Variants in PDE1A observed in about 807,000 individuals in gnomAD.
PDE1A encodes dual specificity calcium/calmodulin-dependent 3',5'-cyclic nucleotide phosphodiesterase 1A.
PDE1A carries 35 observed loss-of-function variants against 61.7 expected under a neutral mutation model. That is an observed-to-expected ratio of 0.57 (90% CI 0.43 to 0.75). The LOEUF (loss-of-function observed/expected upper bound fraction) is 0.75, where lower values mean the gene tolerates loss of function less well. Among genes scored for constraint, PDE1A ranks in the 30% least tolerant of loss-of-function variants. The pLI, the probability that PDE1A is intolerant of heterozygous loss-of-function variation, is 0.00. For synonymous variants in PDE1A, 232 were observed against 213.2 expected (o/e 1.09, Z -0.77); for missense variants, 597 against 630.6 (o/e 0.95, Z 0.57).
At chr2:182,207,274 A>C (rs1343487382) in intron 7 of PDE1A, among the ~76,000 whole-genome samples, 3 of 152,164 alleles carry the variant, frequency 2.0e-5, no homozygotes, top group Admixed American at 2.0e-4. Flanking sequence ...AGAGATAAGG[A>C]GGTCTTAGGT....
the PDE1A span, among the ~76,000 whole-genome samples, chr2:182,591,780 G>A: frequency 1.3e-5 from 2 of 152,142 alleles, no homozygotes; most frequent in African/African-American, 4.8e-5. Context: ...CAAGCCACCT[G>A]GTTCACTGGA....
chr2:182,638,261 G>C, the PDE1A span, among the ~76,000 whole-genome samples: 1 of 152,118 alleles, frequency 6.6e-6, no homozygotes, highest in Non-Finnish European at 1.5e-5. Flanking sequence ...GCATACAGTC[G>C]GGTGCAGTGG....
At chr2:182,561,433 G>A in the PDE1A span, among the ~76,000 whole-genome samples, 7 of 152,148 alleles carry the variant, frequency 4.6e-5, no homozygotes, top group African/African-American at 1.7e-4. Flanking sequence ...TTTGGTACCA[G>A]TACCATGCTG....
chr2:182,309,084 T>C (rs1211894014), intron 1 of PDE1A, among the ~76,000 whole-genome samples: 1 of 151,908 alleles, frequency 6.6e-6, no homozygotes, highest in Non-Finnish European at 1.5e-5. Context: ...GTTTGCAAAT[T>C]AACCTAAGAA....
upstream of PDE1A, among the ~76,000 whole-genome samples, chr2:182,525,274 T>C (rs186301852): frequency 1.4e-3 from 209 of 152,330 alleles, no homozygotes; most frequent in Non-Finnish European, 2.3e-3. Flanking sequence ...AATTATTCAA[T>C]AGATTTTAGT....
At chr2:182,423,341 A>C (rs1703399678) in intron 1 of PDE1A, among the ~76,000 whole-genome samples, 1 of 152,154 alleles carries the variant, frequency 6.6e-6, no homozygotes, top group African/African-American at 2.4e-5. Flanking sequence ...ATGATTTGGA[A>C]TCTTTACTGT....
the PDE1A span, among the ~76,000 whole-genome samples, chr2:182,586,024 T>C: frequency 6.6e-6 from 1 of 152,292 alleles, no homozygotes; most frequent in East Asian, 1.9e-4. Context: ...GAATAATGTA[T>C]ACCTATTTCT....
At chr2:182,386,036 G>A (rs138149229) in intron 1 of PDE1A, among the ~76,000 whole-genome samples, 3,053 of 152,310 alleles carry the variant, frequency 0.02, 51 homozygotes, top group South Asian at 0.033. Flanking sequence ...TGTTTTTTTG[G>A]TGGAGACGGG....
intron 2 of PDE1A, among the ~76,000 whole-genome samples, chr2:182,254,346 C>A (rs1452889608): frequency 2.0e-5 from 3 of 152,176 alleles, no homozygotes; most frequent in Non-Finnish European, 4.4e-5. Flanking sequence ...ACAACTCACA[C>A]CACAAAAATG....
chr2:182,675,206 C>T, the PDE1A span, among the ~76,000 whole-genome samples: 1 of 152,014 alleles, frequency 6.6e-6, no homozygotes. Context: ...GAACATGAAG[C>T]ATTTGGTTTT....
At chr2:182,345,824 T>C (rs953112639) in intron 1 of PDE1A, among the ~76,000 whole-genome samples, 1 of 152,192 alleles carries the variant, frequency 6.6e-6, no homozygotes, top group Non-Finnish European at 1.5e-5. Context: ...CACTCTCATG[T>C]CCCCTCCCCG....
At chr2:182,332,535 T>C (rs1559346117) in intron 1 of PDE1A, among the ~76,000 whole-genome samples, 2 of 152,178 alleles carry the variant, frequency 1.3e-5, no homozygotes, top group Non-Finnish European at 2.9e-5. Flanking sequence ...GCATGGGGTT[T>C]CTGGGGTTTT....
chr2:182,302,938 T>C (rs1695341886), intron 1 of PDE1A, among the ~76,000 whole-genome samples: 1 of 152,218 alleles, frequency 6.6e-6, no homozygotes, highest in Non-Finnish European at 1.5e-5. Context: ...CAACTCTTCA[T>C]CCACTTAAGT....
chr2:182,432,111 T>C (rs1703980310), intron 2 of PDE1A, among the ~76,000 whole-genome samples: 1 of 152,052 alleles, frequency 6.6e-6, no homozygotes, highest in South Asian at 2.1e-4. Context: ...AGCGGCAAGT[T>C]TCCCTTCAAC....
chr2:182,177,631 G>A lies in PDE1A; in HGVS notation c.1516+8261C>T, dbSNP rs185199112. Among the ~76,000 whole-genome samples the A allele has an allele frequency of 2.1e-4, 32 of 151,960 alleles. 1 individual carries two copies. The highest frequency in any genetic ancestry group is 1.8e-3 in the Admixed American group (28 of 15,248). On this transcript the variant is annotated intron_variant, in intron 13 of 13. Transcript: ENST00000351439. ...TTCCATTGGTCTATATATCTGTTTT[G>A]GTACCGGTACCATGCTATTTTGGTT...
chr2:182,509,906 T>C (rs1190438252), intron 2 of PDE1A, among the ~76,000 whole-genome samples: 1 of 152,176 alleles, frequency 6.6e-6, no homozygotes, highest in East Asian at 1.9e-4. Flanking sequence ...TTTTATTTTC[T>C]TTTAAATTTA....
chr2:182,596,139 G>A, the PDE1A span, among the ~76,000 whole-genome samples: 3 of 152,232 alleles, frequency 2.0e-5, no homozygotes, highest in South Asian at 2.1e-4. Context: ...CATAAGGAGT[G>A]TTACTTAAGT....
intron 1 of PDE1A, among the ~76,000 whole-genome samples, chr2:182,281,424 T>A (rs1693798224): frequency 6.6e-6 from 1 of 151,918 alleles, no homozygotes. Flanking sequence ...GTCATGCAAC[T>A]TTAAAATGCT....
At chr2:182,638,863 T>C in the PDE1A span, among the ~76,000 whole-genome samples, 5 of 152,160 alleles carry the variant, frequency 3.3e-5, no homozygotes, top group South Asian at 1.0e-3. Context: ...GGGAACCAGA[T>C]AGAGACTGAA....
Sources: allele counts gnomAD v4.1 joint callset (sites outside exome capture counted in the v4.1 genomes callset), GRCh38; gene constraint gnomAD v4.1.1; transcripts MANE v1.5; gene names NCBI Gene and HGNC (gene_info 2026-07-23, HGNC 2026-07-21).